The following MRPS28 variants were observed in gnomAD, a reference collection of about 807,000 sequenced individuals.
MRPS28 encodes mitochondrial ribosomal protein S28, also known as small ribosomal subunit protein bS1m.
In MRPS28, 7 loss-of-function variants were observed where a neutral mutation model predicts 10.8. The ratio of observed to expected loss-of-function variants is 0.65; its 90% CI spans 0.37 to 1.22. MRPS28 has a LOEUF of 1.22. MRPS28 is among the 50% of genes most tolerant of loss of function. MRPS28 has a pLI of 0.02. For synonymous variants in MRPS28, 121 were observed against 93.3 expected (o/e 1.30, Z -1.71); for missense variants, 265 against 232.9 (o/e 1.14, Z -0.90).
At chr8:79,944,695 T>A (rs75268688) in intron 2 of MRPS28, among the ~76,000 whole-genome samples, 2 of 58,014 alleles carry the variant, frequency 3.4e-5, no homozygotes. Context: ...TTTCTTTTTC[T>A]TTTTTCTTTT....
intron 1 of MRPS28, chr8:80,029,685 C>A (rs575813925): frequency 2.6e-5 from 35 of 1,329,834 alleles, no homozygotes; most frequent in Non-Finnish European, 3.2e-5. Context: ...CCTGCCTCTC[C>A]GTGTGAGTCC....
chr8:79,980,107 CAT>C (rs975534445), intron 2 of MRPS28, among the ~76,000 whole-genome samples: 2 of 152,080 alleles, frequency 1.3e-5, no homozygotes, highest in African/African-American at 2.4e-5. Flanking sequence ...CTGTCTGACA[CAT>C]AGAAAAGGTT....
intron 2 of MRPS28, chr8:79,957,048 T>C (rs1049954838): frequency 1.3e-5 from 2 of 152,280 alleles, no homozygotes; most frequent in Admixed American, 6.5e-5. Context: ...CCTAAGTCAC[T>C]TGAAGTTCTT....
At chr8:80,018,113 C>T (rs948681818) in intron 1 of MRPS28, among the ~76,000 whole-genome samples, 4 of 151,862 alleles carry the variant, frequency 2.6e-5, no homozygotes, top group African/African-American at 9.7e-5. Context: ...CATGGTGAAA[C>T]CCCATCTCTA....
chr8:79,964,645 T>C (rs1488689307), intron 2 of MRPS28, among the ~76,000 whole-genome samples: 1 of 152,048 alleles, frequency 6.6e-6, no homozygotes, highest in Non-Finnish European at 1.5e-5. Flanking sequence ...AATGAAATGC[T>C]CGCCCATTTC....
chr8:79,937,390 C>T (rs765310693), intron 2 of MRPS28, among the ~76,000 whole-genome samples: 4 of 152,078 alleles, frequency 2.6e-5, no homozygotes, highest in African/African-American at 4.8e-5. Flanking sequence ...ATAATTTGAG[C>T]GACTGGGGGC....
At chr8:79,951,010 C>G (rs1473895014) in intron 2 of MRPS28, among the ~76,000 whole-genome samples, 2 of 152,174 alleles carry the variant, frequency 1.3e-5, no homozygotes, top group East Asian at 1.9e-4. Context: ...TGTAGCCACC[C>G]TGATATTTTT....
chr8:79,937,505 C>T (rs1806633659), intron 2 of MRPS28, among the ~76,000 whole-genome samples: 1 of 152,120 alleles, frequency 6.6e-6, no homozygotes, highest in African/African-American at 2.4e-5. Context: ...TACTGATTTT[C>T]AACGCCTGAA....
chr8:79,930,509 G>T (rs144580856), intron 2 of MRPS28, among the ~76,000 whole-genome samples: 1 of 152,196 alleles, frequency 6.6e-6, no homozygotes, highest in Non-Finnish European at 1.5e-5. Flanking sequence ...CAAACTGGGG[G>T]TCTGAAGTCT....
chr8:79,987,652 T>C (rs1435059936), intron 2 of MRPS28, among the ~76,000 whole-genome samples: 1 of 152,198 alleles, frequency 6.6e-6, no homozygotes, highest in Admixed American at 6.5e-5. Flanking sequence ...AAGACATTTA[T>C]GCAGCCAAAA....
At chr8:80,004,608 T>C (rs1395021903) in intron 1 of MRPS28, among the ~76,000 whole-genome samples, 1 of 152,166 alleles carries the variant, frequency 6.6e-6, no homozygotes. Flanking sequence ...TGCAGCTCCT[T>C]GCCAGCAATG....
intron 1 of MRPS28, among the ~76,000 whole-genome samples, chr8:80,012,763 G>T (rs1363866659): frequency 2.0e-5 from 3 of 152,184 alleles, no homozygotes; most frequent in Non-Finnish European, 4.4e-5. Flanking sequence ...ACAGACATAT[G>T]GAACAGTATC....
intron 1 of MRPS28, among the ~76,000 whole-genome samples, chr8:80,015,331 G>A (rs1293238208): frequency 6.6e-6 from 1 of 152,184 alleles, no homozygotes; most frequent in African/African-American, 2.4e-5. Context: ...AAACTATCAT[G>A]CATATGACAT....
chr8:79,920,823 T>A (rs1001640712), intron 2 of MRPS28, among the ~76,000 whole-genome samples: 3 of 152,236 alleles, frequency 2.0e-5, no homozygotes, highest in African/African-American at 7.2e-5. Flanking sequence ...TTGGCTTTTG[T>A]TGCCATTGCT....
intron 2 of MRPS28, among the ~76,000 whole-genome samples, chr8:79,920,426 A>G (rs889746031): frequency 5.9e-5 from 9 of 152,192 alleles, no homozygotes; most frequent in Non-Finnish European, 8.8e-5. Context: ...AAGTGTTCCT[A>G]TTTCTCCACA....
chr8:80,029,966 T>C, intron 1 of MRPS28, 70 bp downstream of exon 1: 1 of 1,562,364 alleles, frequency 6.4e-7, no homozygotes, highest in Non-Finnish European at 8.6e-7. Flanking sequence ...GCTCCGCCCC[T>C]ATTCCCGACC....
intron 2 of MRPS28, among the ~76,000 whole-genome samples, chr8:79,980,895 C>T (rs1807935147): frequency 6.6e-6 from 1 of 152,188 alleles, no homozygotes. Flanking sequence ...TCATCAACAC[C>T]ATCGTCACCA....
chr8:79,996,076 G>C (rs1190845127), intron 2 of MRPS28, among the ~76,000 whole-genome samples: 2 of 151,764 alleles, frequency 1.3e-5, no homozygotes, highest in Admixed American at 1.3e-4. Flanking sequence ...AACAAAAAAA[G>C]GTTCAACTAT....
Position 79,973,896 on chromosome 8 carries a change from G to A in MRPS28, c.395+29103C>T, listed in dbSNP as rs79143313. Among the ~76,000 whole-genome samples, 932 of 151,266 alleles carry A rather than the reference G, an allele frequency of 6.2e-3. 14 individuals are homozygous for A. The highest frequency in any genetic ancestry group is 0.055 in the East Asian group (282 of 5,128). On this transcript the variant is annotated intron_variant, in intron 2 of 2. Coordinates refer to ENST00000276585, the MANE Select transcript of MRPS28 (RefSeq NM_014018.3). ...GAATCTAAGCAGATACAAGTAGGTC[G>A]TGCATAGAAATCTAAACCTCTTATT...
Sources: gnomAD v4.1 joint callset for allele counts (sites outside exome capture counted in the v4.1 genomes callset) on GRCh38, gnomAD v4.1.1 for gene constraint, MANE v1.5 for transcripts, NCBI Gene and HGNC (gene_info 2026-07-23, HGNC 2026-07-21) for gene names.